Variants in KIF16B observed in about 807,000 individuals in gnomAD.
KIF16B encodes kinesin family member 16B, also known as kinesin-like protein KIF16B.
KIF16B carries 98 observed loss-of-function variants against 156.3 expected under a neutral mutation model. The observed-to-expected ratio is 0.63, with a 90% CI of 0.53 to 0.74. The LOEUF (loss-of-function observed/expected upper bound fraction) is 0.74, where lower values mean the gene tolerates loss of function less well. Among genes scored for constraint, KIF16B ranks in the 30% least tolerant of loss-of-function variants. The pLI, the probability that KIF16B is intolerant of heterozygous loss-of-function variation, is 0.00. For missense variants in KIF16B, 1,421 were observed against 1,606.5 expected (o/e 0.88, Z 1.97); for synonymous variants, 564 against 583.7 (o/e 0.97, Z 0.49).
intron 7 of KIF16B, among the ~76,000 whole-genome samples, chr20:16,506,685 G>C (rs903349297): frequency 1.3e-5 from 2 of 151,734 alleles, no homozygotes; most frequent in African/African-American, 2.4e-5. Context: ...CCTCGCTTCT[G>C]AATTCTACCA....
rs376260842 is a variant in KIF16B at position 16,506,126 on chromosome 20, C to A, written c.764G>T (p.Gly255Val). The A allele has an allele frequency of 6.2e-7, 1 of 1,614,110 alleles. No individual in the cohort carries two copies. The highest frequency in any genetic ancestry group is 1.3e-5 in the African/African-American group (1 of 75,034). The change falls in exon 8 of 26, where the codon GGA (glycine) becomes GTA (valine). Residue 255 changes from glycine to valine, a missense_variant. Coordinates refer to ENST00000354981, the MANE Select transcript of KIF16B (RefSeq NM_024704.5). ...VSKIHLVDLA[G>V]SERADATGAT... The stretch of plus-strand genomic sequence containing the variant: ...TCCGGTGGCATCTGCACGCTCACTT[C>A]CGGCAAGATCAACCAAGTGGATCTT...
intron 22 of KIF16B, among the ~76,000 whole-genome samples, chr20:16,359,890 G>A (rs911719052): frequency 6.6e-6 from 1 of 152,136 alleles, no homozygotes; most frequent in Non-Finnish European, 1.5e-5. Flanking sequence ...CCTTTGCAGA[G>A]AAGAAAGATA....
intron 15 of KIF16B, among the ~76,000 whole-genome samples, chr20:16,411,332 C>T (rs559623036): frequency 2.0e-5 from 3 of 152,168 alleles, no homozygotes; most frequent in Admixed American, 2.0e-4. Flanking sequence ...GTATTTATTA[C>T]TTTGAGCATA....
At chr20:16,516,694 A>G (rs907131347) in intron 3 of KIF16B, among the ~76,000 whole-genome samples, 2 of 152,180 alleles carry the variant, frequency 1.3e-5, no homozygotes, top group African/African-American at 2.4e-5. Context: ...TGGGACCCAG[A>G]CGGATCAACC....
At chr20:16,436,224 C>T (rs1007765434) in intron 12 of KIF16B, among the ~76,000 whole-genome samples, 19 of 152,102 alleles carry the variant, frequency 1.2e-4, no homozygotes, top group Non-Finnish European at 2.2e-4. Flanking sequence ...TGATGCTTGC[C>T]TGGCCATATC....
intron 3 of KIF16B, among the ~76,000 whole-genome samples, chr20:16,520,539 A>G (rs1264208576): frequency 6.6e-6 from 1 of 152,176 alleles, no homozygotes. Flanking sequence ...TCAGGGGCTT[A>G]TTGATAAAAT....
At chr20:16,384,721 T>G (rs555038822) in intron 17 of KIF16B, among the ~76,000 whole-genome samples, 3 of 151,940 alleles carry the variant, frequency 2.0e-5, no homozygotes, top group Admixed American at 2.0e-4. Context: ...CCATGACAAC[T>G]GTTTGCCTTG....
rs944329055 is a variant in KIF16B, at chr20:16,573,309, C to T, written c.-34G>A. 1.2e-6 allele frequency: 2 copies of T among 1,608,676 alleles called. No individual in the cohort carries two copies. The highest frequency in any genetic ancestry group is 1.7e-6 in the Non-Finnish European group (2 of 1,178,350). On this transcript the variant is annotated 5_prime_UTR_variant, in exon 1 of 26. The change creates a new upstream start codon in the 5' untranslated region. Coordinates refer to ENST00000354981, the MANE Select transcript of KIF16B (RefSeq NM_024704.5). ...CCGAACCAGCCCGCGCGGGGTCCCA[C>T]TAGCCCAGAACTCCGCGGTCGCCGG...
chr20:16,434,521 A>G (rs1202596420), intron 12 of KIF16B, among the ~76,000 whole-genome samples: 1 of 152,120 alleles, frequency 6.6e-6, no homozygotes, highest in Non-Finnish European at 1.5e-5. Context: ...TCCCCCTCTT[A>G]GAAAGTCTAC....
chr20:16,428,915 A>G, intron 14 of KIF16B, 38 bp downstream of exon 14: 1 of 1,580,656 alleles, frequency 6.3e-7, no homozygotes, highest in Non-Finnish European at 8.7e-7. Flanking sequence ...ACAACCTTAA[A>G]AAATCATTGG....
rs1261196491 is a variant in KIF16B at position 16,312,412 on chromosome 20, C to T, written c.3718G>A (p.Ala1240Thr). The T allele has an allele frequency of 1.2e-6, 2 of 1,611,516 alleles. No individual in the cohort carries two copies. The highest frequency in any genetic ancestry group is 1.3e-5 in the African/African-American group (1 of 74,878). ...AGTTTCTTTGGAGGAAATTCAAGGG[C>T]AGCAAGCTGAAATAGACATTTTAAA... is the stretch of plus-strand genomic sequence containing the variant. The part of the protein sequence containing the change: ...TLKLKYAELA[A>T]LEFPPKKLFG... Residue 1240 changes from alanine (A) to threonine (T), a missense_variant, in exon 25 of 26, where the codon GCC becomes ACC. Transcript: ENST00000354981.
Position 16,526,221 on chromosome 20 carries a change from T to C in KIF16B, c.118-16A>G. 2 of 1,432,774 alleles carry C rather than the reference T, an allele frequency of 1.4e-6. No individual in the cohort carries two copies. Among genetic ancestry groups the C allele is most frequent in the Non-Finnish European group, 1.9e-6 (2 of 1,031,720 alleles). The allele number at this position is 1,432,774 out of a possible 1,614,324, so 88.8% of individuals were successfully genotyped here. ...CTTCTGGTATCTAGAAAGAAATGATTAGAATAATAATGATAATGTAAAGAG... is the reference window on the plus strand; with the variant it reads ...CTTCTGGTATCTAGAAAGAAATGATCAGAATAATAATGATAATGTAAAGAG... On this transcript the variant is annotated splice_polypyrimidine_tract_variant and intron_variant, in intron 2 of 25. Transcript: ENST00000354981.
intron 12 of KIF16B, among the ~76,000 whole-genome samples, chr20:16,452,294 C>A (rs1486239780): frequency 6.6e-6 from 1 of 151,868 alleles, no homozygotes; most frequent in Non-Finnish European, 1.5e-5. Context: ...GAAGGCTGCC[C>A]TAAGTCTTCC....
At chr20:16,368,019 G>A (rs927213205) in intron 22 of KIF16B, 34 of 1,413,570 alleles carry the variant, frequency 2.4e-5, no homozygotes, top group Middle Eastern at 5.2e-4. Context: ...ACTGAAGCAG[G>A]AGCAAACACG....
intron 25 of KIF16B, among the ~76,000 whole-genome samples, chr20:16,296,789 T>C (rs2063393480): frequency 6.6e-6 from 1 of 152,216 alleles, no homozygotes; most frequent in Non-Finnish European, 1.5e-5. Flanking sequence ...GGCTGGGCCA[T>C]GGTGTCACTA....
At chr20:16,276,061 G>A (rs774363398) in intron 25 of KIF16B, among the ~76,000 whole-genome samples, 2 of 152,218 alleles carry the variant, frequency 1.3e-5, no homozygotes, top group Non-Finnish European at 2.9e-5. Flanking sequence ...CTCATCTCAG[G>A]TAGCTCCTGT....
intron 12 of KIF16B, among the ~76,000 whole-genome samples, chr20:16,437,238 A>G (rs2066665199): frequency 6.6e-6 from 1 of 152,216 alleles, no homozygotes; most frequent in Non-Finnish European, 1.5e-5. Flanking sequence ...ATTTTTTTCT[A>G]ATATTTTCAA....
intron 25 of KIF16B, among the ~76,000 whole-genome samples, chr20:16,298,784 A>C (rs562250196): frequency 6.6e-6 from 1 of 152,338 alleles, no homozygotes; most frequent in East Asian, 1.9e-4. Context: ...TCTGGTTTTC[A>C]GAAGATGCAG....
At chr20:16,469,088 A>G (rs1185742262) in intron 12 of KIF16B, among the ~76,000 whole-genome samples, 1 of 151,948 alleles carries the variant, frequency 6.6e-6, no homozygotes, top group Non-Finnish European at 1.5e-5. Flanking sequence ...CCCTATCTCC[A>G]CAAAAAATAA....
Sources: allele counts gnomAD v4.1 joint callset (sites outside exome capture counted in the v4.1 genomes callset), GRCh38; gene constraint gnomAD v4.1.1; transcripts MANE v1.5; gene names NCBI Gene and HGNC (gene_info 2026-07-23, HGNC 2026-07-21).